Variants in MATCAP2 observed in about 807,000 individuals in gnomAD.
MATCAP2 encodes the protein putative tyrosine carboxypeptidase MATCAP2.
At chr7:36,330,044 T>G in the MATCAP2 span, among the ~76,000 whole-genome samples, 1 of 94,322 alleles carries the variant, frequency 1.1e-5, no homozygotes, top group African/African-American at 3.8e-5. Context: ...GTGCCGATCT[T>G]TTTTTTTTTA....
chr7:36,379,323 G>A, the MATCAP2 span, among the ~76,000 whole-genome samples: 1 of 152,184 alleles, frequency 6.6e-6, no homozygotes, highest in Non-Finnish European at 1.5e-5. Context: ...AGCATTCTGG[G>A]AAGAATTTAG....
the MATCAP2 span, among the ~76,000 whole-genome samples, chr7:36,377,230 G>A: frequency 6.6e-6 from 1 of 152,176 alleles, no homozygotes; most frequent in African/African-American, 2.4e-5. Flanking sequence ...TTTTTGCAGT[G>A]GCTGGTACTG....
At chr7:36,370,692 G>A in the MATCAP2 span, among the ~76,000 whole-genome samples, 1 of 152,166 alleles carries the variant, frequency 6.6e-6, no homozygotes, top group Non-Finnish European at 1.5e-5. Flanking sequence ...TGTTGGCCAG[G>A]CTGGTCTCGA....
the MATCAP2 span, chr7:36,367,129 GC>G: frequency 1.1e-5 from 13 of 1,226,534 alleles, no homozygotes; most frequent in Non-Finnish European, 1.3e-5. Context: ...ACTGTGAGCA[GC>G]GCTTCCACCA....
the MATCAP2 span, chr7:36,357,301 C>T: frequency 6.2e-7 from 1 of 1,614,182 alleles, no homozygotes; most frequent in South Asian, 1.1e-5. Context: ...TTGTCACAGG[C>T]ACCAGGGCTT....
At chr7:36,344,217 T>C in the MATCAP2 span, among the ~76,000 whole-genome samples, 6 of 152,114 alleles carry the variant, frequency 3.9e-5, no homozygotes, top group South Asian at 1.2e-3. Flanking sequence ...CTAGAGTAAA[T>C]GACTAACAAA....
the MATCAP2 span, among the ~76,000 whole-genome samples, chr7:36,343,727 G>A: frequency 6.6e-6 from 1 of 151,612 alleles, no homozygotes; most frequent in Non-Finnish European, 1.5e-5. Context: ...AAAATAAAAT[G>A]TTTAAAGAAG....
At chr7:36,358,069 G>A in the MATCAP2 span, among the ~76,000 whole-genome samples, 54 of 151,954 alleles carry the variant, frequency 3.6e-4, no homozygotes, top group African/African-American at 1.2e-3. Flanking sequence ...ATAGTGGTGC[G>A]CCCCTGTAAT....
the MATCAP2 span, among the ~76,000 whole-genome samples, chr7:36,367,655 T>A: frequency 6.6e-6 from 1 of 152,374 alleles, no homozygotes; most frequent in East Asian, 1.9e-4. Context: ...CATACTATCC[T>A]TAATGCTGAA....
chr7:36,346,543 T>C, the MATCAP2 span, among the ~76,000 whole-genome samples: 1 of 152,234 alleles, frequency 6.6e-6, no homozygotes, highest in African/African-American at 2.4e-5. Context: ...CAAGGTATTG[T>C]ATGATTCCAT....
chr7:36,333,918 G>C, the MATCAP2 span: 8 of 1,614,148 alleles, frequency 5.0e-6, no homozygotes, highest in Non-Finnish European at 5.1e-6. Context: ...TCTTGTATTG[G>C]GGTCCTTGAC....
At chr7:36,389,993 G>C in the MATCAP2 span, 21 of 1,613,982 alleles carry the variant, frequency 1.3e-5, no homozygotes, top group Non-Finnish European at 1.8e-5. Flanking sequence ...TTGAACCACC[G>C]TTTCCATCGT....
chr7:36,381,594 C>T, the MATCAP2 span, among the ~76,000 whole-genome samples: 1 of 150,028 alleles, frequency 6.7e-6, no homozygotes, highest in Non-Finnish European at 1.5e-5. Flanking sequence ...TTGCTTGAAT[C>T]TGGGAGGCGG....
chr7:36,346,914 C>T, the MATCAP2 span, among the ~76,000 whole-genome samples: 1 of 152,244 alleles, frequency 6.6e-6, no homozygotes, highest in Middle Eastern at 3.4e-3. Context: ...GTGCCCGCCA[C>T]CACACTAGGC....
the MATCAP2 span, among the ~76,000 whole-genome samples, chr7:36,388,989 C>T: frequency 1.1e-3 from 167 of 152,294 alleles, no homozygotes; most frequent in Non-Finnish European, 1.7e-3. Flanking sequence ...GCCTGCAGTC[C>T]CCCTTTTGGG....
At chr7:36,387,885 T>TAC in the MATCAP2 span, among the ~76,000 whole-genome samples, 1 of 152,120 alleles carries the variant, frequency 6.6e-6, no homozygotes, top group Non-Finnish European at 1.5e-5. Context: ...AAAACACGCA[T>TAC]ACACACACAG....
chr7:36,363,729 T>A, the MATCAP2 span, among the ~76,000 whole-genome samples: 2 of 152,224 alleles, frequency 1.3e-5, no homozygotes, highest in Admixed American at 6.5e-5. Context: ...ATAACTTCTT[T>A]GTGCTACAGT....
At chr7:36,376,441 G>C in the MATCAP2 span, among the ~76,000 whole-genome samples, 8 of 152,254 alleles carry the variant, frequency 5.3e-5, no homozygotes, top group African/African-American at 1.7e-4. Context: ...TTTGATTGCA[G>C]TGTGGTCTGA....
At chr7:36,377,426 GC>G in the MATCAP2 span, among the ~76,000 whole-genome samples, 2 of 152,122 alleles carry the variant, frequency 1.3e-5, no homozygotes, top group African/African-American at 4.8e-5. Context: ...TTGAATATTG[GC>G]CCCCACTCTC....
Sources: gnomAD v4.1 joint callset for allele counts (sites outside exome capture counted in the v4.1 genomes callset) on GRCh38, gnomAD v4.1.1 for gene constraint, MANE v1.5 for transcripts, NCBI Gene and HGNC (gene_info 2026-07-23, HGNC 2026-07-21) for gene names.